GTF2IRD1: variants seen among roughly 807,000 people sequenced by gnomAD.
GTF2IRD1 encodes the protein GTF2I repeat domain containing 1.
GTF2IRD1 carries 26 observed loss-of-function variants against 113.2 expected under a neutral mutation model. The ratio of observed to expected loss-of-function variants is 0.23; its 90% confidence interval spans 0.17 to 0.32. GTF2IRD1 has a LOEUF of 0.32. Ranked by LOEUF, GTF2IRD1 falls within the 10% of genes least tolerant of loss-of-function variation. The pLI is 1.00. For synonymous variants in GTF2IRD1, 484 were observed against 529.1 expected (o/e 0.91, Z 1.17); for missense variants, 864 against 1,280.8 (o/e 0.67, Z 4.97).
At chr7:74,575,445 G>A (rs1029274419) in intron 22 of GTF2IRD1, among the ~76,000 whole-genome samples, 1 of 152,212 alleles carries the variant, frequency 6.6e-6, no homozygotes, top group African/African-American at 2.4e-5. Flanking sequence ...TAGAGTCGGT[G>A]CAGTTCTGAG....
chr7:74,454,519 C>A (rs1792832146), intron 1 of GTF2IRD1, among the ~76,000 whole-genome samples: 1 of 151,992 alleles, frequency 6.6e-6, no homozygotes, highest in South Asian at 2.1e-4. Flanking sequence ...TGAGGTCAGT[C>A]GCGCTGCCCG....
intron 22 of GTF2IRD1, among the ~76,000 whole-genome samples, chr7:74,578,940 T>C (rs1276870391): frequency 6.7e-6 from 1 of 149,462 alleles, no homozygotes; most frequent in Non-Finnish European, 1.5e-5. Context: ...TGAGCTGAGA[T>C]CATGCCACTG....
At chr7:74,474,993 G>A (rs1348961740) in intron 1 of GTF2IRD1, among the ~76,000 whole-genome samples, 1 of 152,314 alleles carries the variant, frequency 6.6e-6, no homozygotes, top group East Asian at 1.9e-4. Context: ...ATGGTGGTGT[G>A]TGCCTGTAGT....
At chr7:74,468,462 A>C (rs1468469410) in intron 1 of GTF2IRD1, among the ~76,000 whole-genome samples, 1 of 151,860 alleles carries the variant, frequency 6.6e-6, no homozygotes, top group Non-Finnish European at 1.5e-5. Context: ...GTTCAAGACC[A>C]GCCTGGCCAA....
rs148264459 is a variant in GTF2IRD1, at chr7:74,585,947, C to T, written c.2321-3904C>T. Among the ~76,000 whole-genome samples, 46 of 152,054 alleles carry T rather than the reference C, an allele frequency of 3.0e-4. No homozygotes were observed. The East Asian group carries it at 8.5e-3, about 28-fold the overall frequency. ...CTGAGACCTCAGGAAACCCAGGGCT[C>T]ATGGTAGAGTGGAAAGACCAGGGCT... On this transcript the variant is annotated intron_variant, in intron 22 of 26. Coordinates refer to ENST00000424337, the MANE Select transcript of GTF2IRD1 (RefSeq NM_005685.4).
chr7:74,589,730 G>A (rs1554368833), intron 22 of GTF2IRD1, 121 bp from the exon 23 acceptor site: 1 of 619,800 alleles, frequency 1.6e-6, no homozygotes, highest in Non-Finnish European at 2.9e-6. Context: ...CTATATAGGA[G>A]TGGGTCGGCC....
intron 11 of GTF2IRD1, among the ~76,000 whole-genome samples, chr7:74,536,836 C>G (rs1262209801): frequency 1.3e-5 from 2 of 149,760 alleles, no homozygotes; most frequent in African/African-American, 4.9e-5. Context: ...CCAGGCCGGA[C>G]TTGGTGGCTC....
chr7:74,565,423 G>A (rs1800238040), intron 22 of GTF2IRD1, among the ~76,000 whole-genome samples: 1 of 152,110 alleles, frequency 6.6e-6, no homozygotes. Flanking sequence ...TACTTAGGAG[G>A]CTAAGGCAGG....
At chr7:74,553,830 C>CCCCTTTCAGAACCTGAGTTCT (rs1364219703) in intron 17 of GTF2IRD1, among the ~76,000 whole-genome samples, 11 of 152,282 alleles carry the variant, frequency 7.2e-5, no homozygotes, top group Admixed American at 7.2e-4. Context: ...GAAGTCACTT[C>CCCCTTTCAGAACCTGAGTTCT]CCCTTTCAGA....
chr7:74,546,722 C>CG (rs1338986793), intron 16 of GTF2IRD1, among the ~76,000 whole-genome samples: 1 of 151,488 alleles, frequency 6.6e-6, no homozygotes, highest in East Asian at 2.0e-4. Context: ...GAGGGACACT[C>CG]GGGGGGCCTT....
chr7:74,509,905 G>A (rs1173309363), intron 2 of GTF2IRD1, among the ~76,000 whole-genome samples: 1 of 152,136 alleles, frequency 6.6e-6, no homozygotes, highest in Non-Finnish European at 1.5e-5. Context: ...ACAATCTCTT[G>A]ACCTCGTGAT....
intron 23 of GTF2IRD1, 57 bp downstream of exon 23, chr7:74,589,985 G>A (rs1368174105): frequency 2.6e-6 from 3 of 1,140,274 alleles, no homozygotes; most frequent in Admixed American, 1.9e-5. Context: ...GGTGGTGGGG[G>A]GCCTCCCTCT....
intron 1 of GTF2IRD1, among the ~76,000 whole-genome samples, chr7:74,465,280 C>T (rs1481069029): frequency 6.6e-6 from 1 of 152,120 alleles, no homozygotes; most frequent in Non-Finnish European, 1.5e-5. Flanking sequence ...CCACCTGCCC[C>T]GGGCCACCAG....
chr7:74,539,771 G>C (rs587607556), intron 13 of GTF2IRD1, 108 bp from the exon 14 acceptor site: 2 of 695,702 alleles, frequency 2.9e-6, no homozygotes, highest in Admixed American at 2.6e-5. Context: ...GAGACAGAAA[G>C]AAAAGGACCC....
intron 22 of GTF2IRD1, among the ~76,000 whole-genome samples, chr7:74,563,255 G>C (rs1353945349): frequency 1.3e-5 from 2 of 152,092 alleles, no homozygotes; most frequent in Non-Finnish European, 2.9e-5. Context: ...GTGAGGCTTC[G>C]GGAACTTTCC....
intron 15 of GTF2IRD1, among the ~76,000 whole-genome samples, chr7:74,545,309 A>T (rs375156880): frequency 1.2e-4 from 18 of 152,106 alleles, no homozygotes; most frequent in Non-Finnish European, 2.5e-4. Flanking sequence ...AGTGAGTGTC[A>T]GAGGAGAGAA....
At chr7:74,460,439 G>A (rs1554328845) in intron 1 of GTF2IRD1, among the ~76,000 whole-genome samples, 1 of 151,588 alleles carries the variant, frequency 6.6e-6, no homozygotes, top group East Asian at 1.9e-4. Flanking sequence ...TAGAGATGGG[G>A]TCTTGCGATG....
chr7:74,474,493 G>C (rs1360080982), intron 1 of GTF2IRD1, among the ~76,000 whole-genome samples: 1 of 152,352 alleles, frequency 6.6e-6, no homozygotes, highest in African/African-American at 2.4e-5. Context: ...GTGGTTGACA[G>C]TGAGCCATGC....
intron 1 of GTF2IRD1, among the ~76,000 whole-genome samples, chr7:74,455,233 A>T (rs782570552): frequency 3.8e-4 from 58 of 152,190 alleles, no homozygotes; most frequent in Admixed American, 3.3e-4. Context: ...TGGATGGAGA[A>T]TGTGCCAAGG....
Sources: allele counts gnomAD v4.1 joint callset (sites outside exome capture counted in the v4.1 genomes callset), GRCh38; gene constraint gnomAD v4.1.1; transcripts MANE v1.5; gene names NCBI Gene and HGNC (gene_info 2026-07-23, HGNC 2026-07-21).